The following TRAIP variants were observed in gnomAD, a reference collection of about 807,000 sequenced individuals.
The protein encoded by TRAIP is TRAF interacting protein.
TRAIP carries 37 observed loss-of-function variants against 65.0 expected under a neutral mutation model. The ratio of observed to expected loss-of-function variants is 0.57; its 90% CI spans 0.44 to 0.75. The LOEUF (loss-of-function observed/expected upper bound fraction) is 0.75, where lower values mean the gene tolerates loss of function less well. Among genes scored for constraint, TRAIP ranks in the 30% least tolerant of loss-of-function variants. TRAIP has a pLI of 0.00. For synonymous variants in TRAIP, 187 were observed against 219.1 expected, an observed-to-expected ratio of 0.85 and a Z score of 1.29; for missense variants, 481 against 579.4, an observed-to-expected ratio of 0.83 and a Z score of 1.74.
chr3:49,839,386 G>C (rs1233143895), intron 10 of TRAIP, among the ~76,000 whole-genome samples: 1 of 152,078 alleles, frequency 6.6e-6, no homozygotes, highest in Non-Finnish European at 1.5e-5. Flanking sequence ...CTGCCTCGTG[G>C]CTCCCTCTGC....
At position 49,839,822 on chromosome 3, in the gene TRAIP, CAAG is replaced by C. The variant is rs1559447965; in HGVS notation, c.831_833del (p.Leu278del). 1.2e-6 allele frequency: 2 copies of C among 1,614,234 alleles called. No homozygotes were observed. Among genetic ancestry groups the C allele is most frequent in the Non-Finnish European group, 1.7e-6 (2 of 1,180,034 alleles). Reference sequence around the variant, plus strand: ...TCTCACTGGCCACTGGTGGCAGGTTCAAGGTTTCCTGCAGCATCGTTAGCTTCT... The same window carrying C: ...TCTCACTGGCCACTGGTGGCAGGTTCGTTTCCTGCAGCATCGTTAGCTTCT... On this transcript the variant is annotated inframe_deletion, in exon 10 of 15. Transcript: ENST00000331456.
In TRAIP at chr3:49,830,077, A is replaced by G; in HGVS notation, c.1038-9T>C. The G allele has an allele frequency of 6.2e-7, 1 of 1,614,158 alleles. No homozygotes were observed. The highest frequency in any genetic ancestry group is 8.5e-7 in the Non-Finnish European group (1 of 1,180,000). ...CATCCTGAATTGGGGAGCTACAAGA[A>G]TGAGAGAGAAGGCAAGGGGTAGGTA... On this transcript the variant is annotated splice_polypyrimidine_tract_variant and intron_variant, in intron 11 of 14. Coordinates refer to ENST00000331456, the MANE Select transcript of TRAIP (RefSeq NM_005879.3).
At chr3:49,830,252 G>A (rs1472145870) in intron 11 of TRAIP, among the ~76,000 whole-genome samples, 184 bp from the exon 12 acceptor site, 1 of 152,226 alleles carries the variant, frequency 6.6e-6, no homozygotes, top group African/African-American at 2.4e-5. Context: ...GACAGCCACA[G>A]CCAGTAGGGT....
In TRAIP at chr3:49,843,910, C is replaced by G; in HGVS notation, c.299G>C (p.Ser100Thr). Reference sequence around the variant, plus strand: ...CCGCAGAGTGTCGATGATGACCTGGCTGTCTCGTTTCTCCTTGTCTGGAGC... The same window carrying G: ...CCGCAGAGTGTCGATGATGACCTGGGTGTCTCGTTTCTCCTTGTCTGGAGC... ...LSQKDKEKRDSQVIIDTLRDT... is the reference protein window; with the variant it reads ...LSQKDKEKRDTQVIIDTLRDT... The change falls in exon 5 of 15, where the codon AGC becomes ACC. Residue 100 changes from serine to threonine, a missense_variant. Physicochemically the swap from Ser to Thr is moderately conservative, Grantham distance 58. Transcript: ENST00000331456. 1 of 1,610,184 alleles carries G rather than the reference C, an allele frequency of 6.2e-7. No homozygotes were observed. Among genetic ancestry groups the G allele is most frequent in the Non-Finnish European group, 8.5e-7 (1 of 1,176,658 alleles).
intron 10 of TRAIP, among the ~76,000 whole-genome samples, chr3:49,832,490 A>G (rs2081743094): frequency 9.4e-6 from 1 of 106,548 alleles, no homozygotes; most frequent in South Asian, 2.9e-4. Context: ...ACTCCGTCTC[A>G]GGAAAAAAAA....
At position 49,829,706 on chromosome 3, in the gene TRAIP, C is replaced by G; in HGVS notation, c.1147G>C (p.Gly383Arg). 6 of 1,614,168 alleles carry G rather than the reference C, an allele frequency of 3.7e-6. No homozygotes were observed. The highest frequency in any genetic ancestry group is 5.1e-6 in the Non-Finnish European group (6 of 1,180,024). Residue 383 changes from glycine to arginine, a missense_variant, in exon 13 of 15, where the codon GGT (glycine) becomes CGT (arginine). Coordinates refer to ENST00000331456, the MANE Select transcript of TRAIP (RefSeq NM_005879.3). ...CAGEPDEELVGAFPIFVRNAI... is the reference protein window; with the variant it reads ...CAGEPDEELVRAFPIFVRNAI... ...TTCCGGACAAAAATAGGGAAGGCAC[C>G]AACCAGTTCCTCATCTGGCTCTCCT...
chr3:49,849,183 T>G (rs2108320338), intron 1 of TRAIP, among the ~76,000 whole-genome samples: 1 of 151,764 alleles, frequency 6.6e-6, no homozygotes, highest in African/African-American at 2.4e-5. Flanking sequence ...TTTTTTTGTT[T>G]TTTACAGAAT....
chr3:49,846,996 C>A lies in TRAIP; in HGVS notation c.240+529G>T, dbSNP rs1417285982. On this transcript the variant is annotated intron_variant, in intron 3 of 14. Transcript: ENST00000331456. ...AGGAGTTCGAGACCAGCCTGGCCAA[C>A]AAGGTGAAACCCCGTCTGTACTAAA... Among the ~76,000 whole-genome samples, 4 of 152,008 alleles carry A rather than the reference C, an allele frequency of 2.6e-5. No individual in the cohort carries two copies. The East Asian group carries it at 7.7e-4, about 29-fold the overall frequency.
Position 49,856,415 on chromosome 3 carries a change from G to A in TRAIP, c.39C>T (p.Phe13=). The part of the protein sequence containing the change: ...IRALCTICSD[F]FDHSRDVAAI... ...CGGCCACGTCGCGGGAGTGATCGAAGAAGTCGGAGCAGATAGTGCACAGAG... is the reference window on the plus strand; with the variant it reads ...CGGCCACGTCGCGGGAGTGATCGAAAAAGTCGGAGCAGATAGTGCACAGAG... The change falls in exon 1 of 15, where the codon TTC becomes TTT. Residue 13 remains phenylalanine, a synonymous_variant. Transcript: ENST00000331456. The A allele has an allele frequency of 1.2e-6, 2 of 1,614,196 alleles. No individual in the cohort carries two copies. Among genetic ancestry groups the A allele is most frequent in the Non-Finnish European group, 1.7e-6 (2 of 1,180,024 alleles).
intron 3 of TRAIP, among the ~76,000 whole-genome samples, chr3:49,846,856 T>C (rs537534345): frequency 2.0e-5 from 3 of 151,988 alleles, no homozygotes; most frequent in East Asian, 1.9e-4. Flanking sequence ...CTGGGTAACA[T>C]AGCAAGGCCC....
chr3:49,832,933 G>A (rs556011293), intron 10 of TRAIP, among the ~76,000 whole-genome samples: 1 of 152,260 alleles, frequency 6.6e-6, no homozygotes, highest in African/African-American at 2.4e-5. Context: ...ACACATCAGA[G>A]GGAGGAAGCC....
Position 49,831,992 on chromosome 3 carries a change from C to T in TRAIP, c.961G>A (p.Asp321Asn). The T allele has an allele frequency of 1.2e-6, 2 of 1,608,294 alleles. No homozygotes were observed. The highest frequency in any genetic ancestry group is 2.7e-5 in the African/African-American group (2 of 74,736). The change falls in exon 11 of 15, where the codon GAT becomes AAT. Residue 321 changes from aspartate (D) to asparagine (N), a missense_variant. Transcript: ENST00000331456. ...GGCCGGGCTGGGGGAGTATCCACAT[C>T]AAAGGTAGCATTGAGATCAATATCA... ...RDDIDLNATF[D>N]VDTPPARPSS...
chr3:49,833,564 C>T (rs1366574460), intron 10 of TRAIP, among the ~76,000 whole-genome samples: 1 of 151,800 alleles, frequency 6.6e-6, no homozygotes, highest in African/African-American at 2.4e-5. Context: ...ACTGCAAGCT[C>T]CGCCTTCCGG....
chr3:49,832,853 G>C (rs1180291193), intron 10 of TRAIP, among the ~76,000 whole-genome samples: 1 of 151,888 alleles, frequency 6.6e-6, no homozygotes, highest in African/African-American at 2.4e-5. Flanking sequence ...TAGCTCCAAA[G>C]ATGCCTTCTC....
chr3:49,831,113 T>C (rs889490682), intron 11 of TRAIP, among the ~76,000 whole-genome samples: 3 of 152,208 alleles, frequency 2.0e-5, no homozygotes, highest in African/African-American at 4.8e-5. Flanking sequence ...TTCTCATTGC[T>C]ACCAGGCCTC....
At chr3:49,848,293 T>C in intron 1 of TRAIP, 93 bp from the exon 2 acceptor site, 1 of 1,371,450 alleles carries the variant, frequency 7.3e-7, no homozygotes, top group South Asian at 1.2e-5. Context: ...GGGTCTGTTC[T>C]GCTCCTCCTT....
At chr3:49,833,483 CT>C (rs113973983) in intron 10 of TRAIP, among the ~76,000 whole-genome samples, 297 of 143,666 alleles carry the variant, frequency 2.1e-3, no homozygotes, top group Middle Eastern at 0.018. Context: ...TAGACTGTTT[CT>C]TTTTTTTTTT....
chr3:49,855,552 AG>A (rs1478219962), intron 1 of TRAIP, among the ~76,000 whole-genome samples: 3 of 152,250 alleles, frequency 2.0e-5, no homozygotes, highest in Non-Finnish European at 4.4e-5. Context: ...CTTAATTTCT[AG>A]TCTAACCAAA....
At chr3:49,842,369 C>T (rs1317781969) in intron 6 of TRAIP, 84 bp downstream of exon 6, 2 of 1,379,304 alleles carry the variant, frequency 1.5e-6, no homozygotes, top group Admixed American at 1.7e-5. Context: ...GACCCAATCC[C>T]ACTCCCTGCT....
Sources: allele counts gnomAD v4.1 joint callset (sites outside exome capture counted in the v4.1 genomes callset), GRCh38; gene constraint gnomAD v4.1.1; transcripts MANE v1.5; gene names NCBI Gene and HGNC (gene_info 2026-07-23, HGNC 2026-07-21).